Variants in SLC2A7 observed in about 807,000 individuals in gnomAD.
SLC2A7 encodes solute carrier family 2, facilitated glucose transporter member 7.
In SLC2A7, 50 loss-of-function variants were observed where a neutral mutation model predicts 50.5. The observed-to-expected ratio is 0.99, with a 90% CI of 0.79 to 1.25. The LOEUF (loss-of-function observed/expected upper bound fraction) is 1.25. Among genes scored for constraint, SLC2A7 ranks in the 50% most tolerant of loss-of-function variants. The pLI is 0.00. For synonymous variants in SLC2A7, 308 were observed against 300.4 expected (o/e 1.03, Z -0.26); for missense variants, 683 against 679.1 (o/e 1.01, Z -0.06).
rs561710822 is a variant in SLC2A7 at position 9,025,011 on chromosome 1, C to T, written c.115G>A (p.Gly39Ser). 14 of 1,613,644 alleles carry T rather than the reference C, an allele frequency of 8.7e-6. No homozygotes were observed. Among genetic ancestry groups the T allele is most frequent in the African/African-American group, 2.7e-5 (2 of 74,692 alleles). Residue 39 changes from glycine (G) to serine (S), a missense_variant, in exon 2 of 12, where the codon GGC becomes AGC. Gly to Ser is a moderately conservative substitution (Grantham distance 56). Transcript: ENST00000400906. ...GTGTTGACCACAGAGAGGTTGTAGC[C>T]GTACTGGAAGGCTGAGCCAAAGGCC... ...SAAFGSAFQY[G>S]YNLSVVNTPH...
downstream of SLC2A7, among the ~76,000 whole-genome samples, chr1:9,002,614 G>T (rs991227676): frequency 2.0e-5 from 3 of 152,180 alleles, no homozygotes; most frequent in Non-Finnish European, 4.4e-5. Context: ...CACCAAGACA[G>T]TAGAGATAGT....
At chr1:8,998,768 CT>C (rs1337497272), downstream of SLC2A7, among the ~76,000 whole-genome samples, 5 of 152,110 alleles carry the variant, frequency 3.3e-5, no homozygotes, top group African/African-American at 1.2e-4. Context: ...TTAAGCCAAT[CT>C]TGCATTCCTG....
intron 4 of SLC2A7, among the ~76,000 whole-genome samples, chr1:9,018,999 C>T (rs1640872015): frequency 6.6e-6 from 1 of 152,050 alleles, no homozygotes; most frequent in African/African-American, 2.4e-5. Context: ...CTGGGCAACA[C>T]AGTGAGGCTC....
intron 10 of SLC2A7, among the ~76,000 whole-genome samples, chr1:9,005,995 C>T (rs1315475510): frequency 6.6e-6 from 1 of 152,098 alleles, no homozygotes; most frequent in African/African-American, 2.4e-5. Flanking sequence ...TCCTCCTGTC[C>T]ACCACAACAA....
chr1:9,014,943 G>A (rs1268134770), intron 6 of SLC2A7, 75 bp from the exon 7 acceptor site: 4 of 1,509,372 alleles, frequency 2.7e-6, no homozygotes, highest in Non-Finnish European at 3.5e-6. Flanking sequence ...TGCTGGCCCT[G>A]AGCTCACCAT....
intron 3 of SLC2A7, among the ~76,000 whole-genome samples, chr1:9,019,722 G>C (rs764279846): frequency 6.6e-6 from 1 of 152,154 alleles, no homozygotes; most frequent in Non-Finnish European, 1.5e-5. Context: ...TCTGGAGTTC[G>C]AGACCAGCCT....
chr1:9,026,152 C>G (rs1041388914), intron 1 of SLC2A7, 143 bp downstream of exon 1: 4 of 902,852 alleles, frequency 4.4e-6, no homozygotes, highest in South Asian at 4.4e-5. Flanking sequence ...CCACATGGCT[C>G]TCCCAGGCCT....
At chr1:9,015,678 C>T (rs189165364) in intron 5 of SLC2A7, among the ~76,000 whole-genome samples, 226 of 151,480 alleles carry the variant, frequency 1.5e-3, no homozygotes, top group Non-Finnish European at 2.3e-3. Flanking sequence ...ACAGGGTCTC[C>T]GTCTGCCTCC....
the SLC2A7 span, among the ~76,000 whole-genome samples, chr1:8,993,425 T>A: frequency 6.6e-6 from 1 of 152,144 alleles, no homozygotes; most frequent in Non-Finnish European, 1.5e-5. Flanking sequence ...TGAATCCACA[T>A]GGCTGCAATT....
chr1:9,007,506 C>T (rs1640673028), intron 9 of SLC2A7, 121 bp from the exon 10 acceptor site: 1 of 877,792 alleles, frequency 1.1e-6, no homozygotes, highest in Admixed American at 2.3e-5. Flanking sequence ...TGGGCACCTC[C>T]ATGGACCTTG....
intron 8 of SLC2A7, among the ~76,000 whole-genome samples, chr1:9,011,746 C>CTTTTTTTT (rs34758810): frequency 4.3e-5 from 4 of 93,224 alleles, no homozygotes; most frequent in Non-Finnish European, 6.0e-5. Context: ...TCTTCTTCTT[C>CTTTTTTTT]TTTTTTTTTT....
Position 9,008,931 on chromosome 1 carries a change from G to T in SLC2A7, c.1116+1212C>A, listed in dbSNP as rs988514264. 1.4e-4 allele frequency among the ~76,000 whole-genome samples: 22 copies of T among 152,322 alleles called. No homozygotes were observed. The highest frequency in any genetic ancestry group is 4.8e-4 in the African/African-American group (20 of 41,568). ...ACTGGTTTTAAAATTAAAGAAGAAA[G>T]TTCTTTCCGAGGGAAACTTTAATTG... is the stretch of plus-strand genomic sequence containing the variant. On this transcript the variant is annotated intron_variant, in intron 9 of 11. Transcript: ENST00000400906. The surrounding 1 kb of genome is among the most constrained non-coding windows in gnomAD (Gnocchi z 5.9).
At chr1:9,016,546 C>T (rs1171702332) in intron 5 of SLC2A7, among the ~76,000 whole-genome samples, 1 of 151,572 alleles carries the variant, frequency 6.6e-6, no homozygotes, top group Non-Finnish European at 1.5e-5. Flanking sequence ...GAAGTCAAGG[C>T]TGCAGTGAGC....
At chr1:9,019,419 A>T in intron 3 of SLC2A7, 86 bp from the exon 4 acceptor site, 2 of 1,551,350 alleles carry the variant, frequency 1.3e-6, no homozygotes, top group Non-Finnish European at 1.7e-6. Flanking sequence ...GCGGGCAGTC[A>T]CTACAGAGGC....
intron 3 of SLC2A7, 110 bp from the exon 4 acceptor site, chr1:9,019,443 C>T: frequency 1.4e-6 from 2 of 1,457,106 alleles, no homozygotes; most frequent in Non-Finnish European, 1.8e-6. Flanking sequence ...GGGAATGTGC[C>T]CGAGAAAGAG....
downstream of SLC2A7, among the ~76,000 whole-genome samples, chr1:9,002,938 T>G (rs1262677130): frequency 1.3e-5 from 2 of 152,224 alleles, no homozygotes; most frequent in Non-Finnish European, 2.9e-5. Flanking sequence ...ACTCCTTAAT[T>G]GATGCAATGA....
Position 9,003,218 on chromosome 1 carries a change from C to G in SLC2A7, c.*82G>C. The G allele has an allele frequency of 7.6e-7, 1 of 1,316,340 alleles. No homozygotes were observed. 81.5% of individuals were successfully genotyped at this position (1,316,340 alleles called of 1,614,324 possible). On this transcript the variant is annotated 3_prime_UTR_variant, in exon 12 of 12. Transcript: ENST00000400906. ...ACGACAAAAGCCTCCGTGCTATTAT[C>G]CTCCCCAGAGCCTGGGGCCGGGAGG...
chr1:9,009,765 A>G (rs554454256), intron 9 of SLC2A7, among the ~76,000 whole-genome samples: 1 of 152,124 alleles, frequency 6.6e-6, no homozygotes, highest in African/African-American at 2.4e-5. Context: ...GCCTCCTTCT[A>G]CCTCTCGAAT....
At chr1:8,992,745 G>C in the SLC2A7 span, among the ~76,000 whole-genome samples, 1 of 152,156 alleles carries the variant, frequency 6.6e-6, no homozygotes, top group Admixed American at 6.5e-5. Context: ...GATCCAGAGT[G>C]TGGCATCAGA....
Sources: allele counts gnomAD v4.1 joint callset (sites outside exome capture counted in the v4.1 genomes callset), GRCh38; gene constraint gnomAD v4.1.1; non-coding constraint Gnocchi (gnomAD v3.1); transcripts MANE v1.5; gene names NCBI Gene and HGNC (gene_info 2026-07-23, HGNC 2026-07-21).